The following ZNF43 variants were observed in gnomAD, a reference collection of about 807,000 sequenced individuals.
ZNF43 encodes zinc finger protein 39-like 1 (KOX 27).
A neutral mutation model predicts 68.4 loss-of-function variants in ZNF43; 44 were observed. The ratio of observed to expected loss-of-function variants is 0.64; its 90% CI spans 0.51 to 0.83. The LOEUF is 0.83. Ranked by LOEUF, ZNF43 falls within the 40% of genes least tolerant of loss-of-function variation. ZNF43 has a pLI of 0.00. For missense variants in ZNF43, 896 were observed against 933.2 expected, an observed-to-expected ratio of 0.96 and a Z score of 0.52; for synonymous variants, 308 against 307.8, an observed-to-expected ratio of 1.00 and a Z score of -0.01.
At chr19:21,831,022 T>C (rs964910755) in intron 1 of ZNF43, among the ~76,000 whole-genome samples, 2 of 152,192 alleles carry the variant, frequency 1.3e-5, no homozygotes, top group Non-Finnish European at 2.9e-5. Flanking sequence ...TCTCAATAGA[T>C]GCAGAAAAAT....
At chr19:21,818,084 A>C in intron 2 of ZNF43, 98 bp from the exon 3 acceptor site, 1 of 1,272,572 alleles carries the variant, frequency 7.9e-7, no homozygotes, top group Non-Finnish European at 1.1e-6. Context: ...AGAATATCCT[A>C]ATCATTAATC....
Position 21,818,112 on chromosome 19 carries a change from T to C in ZNF43, c.131-126A>G. 7 of 1,077,180 alleles carry C rather than the reference T, an allele frequency of 6.5e-6. No individual in the cohort carries two copies. In the South Asian group the frequency reaches 1.2e-4, roughly 18 times the overall value. 66.7% of individuals were successfully genotyped at this position (1,077,180 alleles called of 1,614,324 possible). A position where few individuals can be genotyped will look rare whatever the true frequency, so the allele number is the denominator to read the frequency against. On this transcript the variant is annotated intron_variant, in intron 2 of 3. Transcript: ENST00000354959. Reference sequence around the variant, plus strand: ...CATTAATCCCAAAATACTAATTTTTTTTTTTTTGGAGATGGAGTCTCAATC... The same window carrying C: ...CATTAATCCCAAAATACTAATTTTTCTTTTTTTGGAGATGGAGTCTCAATC...
chr19:21,812,836 G>A (rs1568352382), intron 3 of ZNF43, among the ~76,000 whole-genome samples: 1 of 151,766 alleles, frequency 6.6e-6, no homozygotes, highest in Non-Finnish European at 1.5e-5. Context: ...CTGTAATCTC[G>A]GCTACCCTGA....
chr19:21,812,244 G>A lies in ZNF43; in HGVS notation c.230-2437C>T, dbSNP rs567539028. On this transcript the variant is annotated intron_variant, in intron 3 of 3. Coordinates refer to ENST00000354959, the MANE Select transcript of ZNF43 (RefSeq NM_003423.4). ...CGGGTTCACACCATTCTCCTGTCTC[G>A]GCCTCCCGAGTAGCTGGGATTACAG... Among the ~76,000 whole-genome samples the A allele has an allele frequency of 2.6e-5, 4 of 151,742 alleles. No homozygotes were observed. In the South Asian group the frequency reaches 6.3e-4, roughly 24 times the overall value.
At chr19:21,831,401 AC>A (rs1257861770) in intron 1 of ZNF43, among the ~76,000 whole-genome samples, 5 of 151,808 alleles carry the variant, frequency 3.3e-5, no homozygotes, top group Non-Finnish European at 7.4e-5. Flanking sequence ...TTGCTCTGTC[AC>A]CCAAGCTGGA....
chr19:21,817,972 T>G lies in ZNF43; in HGVS notation c.145A>C (p.Lys49Gln). 6.2e-7 allele frequency: 1 copy of G among 1,613,060 alleles called. No individual in the cohort carries two copies. The highest frequency in any genetic ancestry group is 8.5e-7 in the Non-Finnish European group (1 of 1,179,426). The stretch of plus-strand genomic sequence containing the variant: ...TCCAGACAGGTGATCAGGTCTGGCT[T>G]AGAGACAGCAATACCTGTTTCAATA... ...NLVFLGIAVS[K>Q]PDLITCLEQE... Residue 49 changes from lysine to glutamine, a missense_variant, in exon 3 of 4, where the codon AAG becomes CAG. By Grantham distance (53) the Lys-to-Gln change is moderately conservative (BLOSUM62 1). Coordinates refer to ENST00000354959, the MANE Select transcript of ZNF43 (RefSeq NM_003423.4).
At chr19:21,815,024 C>T (rs909059889) in intron 3 of ZNF43, among the ~76,000 whole-genome samples, 5 of 151,660 alleles carry the variant, frequency 3.3e-5, no homozygotes, top group Admixed American at 6.6e-5. Context: ...CCTGTCTCTA[C>T]TAAAAATACA....
chr19:21,820,753 T>C (rs1274550917), intron 1 of ZNF43, among the ~76,000 whole-genome samples: 1 of 151,830 alleles, frequency 6.6e-6, no homozygotes, highest in African/African-American at 2.4e-5. Context: ...AAAAAGTAAA[T>C]TATAATCTAA....
intron 1 of ZNF43, among the ~76,000 whole-genome samples, chr19:21,820,051 T>C (rs1479025655): frequency 1.3e-5 from 2 of 150,990 alleles, no homozygotes; most frequent in Non-Finnish European, 2.9e-5. Context: ...ATACAAAAAT[T>C]AGCCAAGCGT....
At chr19:21,824,118 G>A (rs911810486) in intron 1 of ZNF43, among the ~76,000 whole-genome samples, 4 of 152,096 alleles carry the variant, frequency 2.6e-5, no homozygotes, top group African/African-American at 9.7e-5. Context: ...CCCGGGAGGC[G>A]GAGCTTGCAG....
At chr19:21,811,107 C>T (rs950850863) in intron 3 of ZNF43, among the ~76,000 whole-genome samples, 7 of 152,048 alleles carry the variant, frequency 4.6e-5, no homozygotes, top group South Asian at 2.1e-4. Flanking sequence ...GCTCAAGGAC[C>T]GAAGAATTTA....
intron 3 of ZNF43, among the ~76,000 whole-genome samples, chr19:21,811,066 C>T (rs2037248630): frequency 6.6e-6 from 1 of 152,110 alleles, no homozygotes; most frequent in Non-Finnish European, 1.5e-5. Context: ...AAAAATATAT[C>T]AAAATAAAAC....
rs150700173 is a variant in ZNF43, at chr19:21,807,649, T to C, written c.2388A>G (p.Thr796=). ...AAGTTTGAGGTGTTGTCAAAATCACTGTCACATCTTCAGGTTTGTAGAGTT... is the reference window on the plus strand; with the variant it reads ...AAGTTTGAGGTGTTGTCAAAATCACCGTCACATCTTCAGGTTTGTAGAGTT... ...GEKLYKPEDV[T]VILTTPQTFS... The change falls in exon 4 of 4, where the codon ACA becomes ACG. Residue 796 remains threonine, a synonymous_variant. Coordinates refer to ENST00000354959, the MANE Select transcript of ZNF43 (RefSeq NM_003423.4). 3.8e-6 allele frequency: 6 copies of C among 1,569,146 alleles called. No homozygotes were observed. The highest frequency in any genetic ancestry group is 5.2e-6 in the Non-Finnish European group (6 of 1,160,834).
At chr19:21,828,640 C>A (rs1420612347) in intron 1 of ZNF43, among the ~76,000 whole-genome samples, 2 of 151,982 alleles carry the variant, frequency 1.3e-5, no homozygotes, top group African/African-American at 4.8e-5. Context: ...TCACTTGAAC[C>A]CAGTAGGCGG....
chr19:21,836,116 G>A lies in ZNF43; in HGVS notation c.-78C>T. The A allele has an allele frequency of 6.2e-7, 1 of 1,609,472 alleles. No homozygotes were observed. The highest frequency in any genetic ancestry group is 8.5e-7 in the Non-Finnish European group (1 of 1,177,212). Reference sequence around the variant, plus strand: ...GCAGGTCACAGAGCCACAGAGGCTGGACCTCTAGCAGCAGAGGACACAGAA... The same window carrying A: ...GCAGGTCACAGAGCCACAGAGGCTGAACCTCTAGCAGCAGAGGACACAGAA... On this transcript the variant is annotated 5_prime_UTR_variant, in exon 1 of 4. Transcript: ENST00000354959.
intron 2 of ZNF43, 140 bp downstream of exon 2, chr19:21,818,955 C>A (rs1219850241): frequency 4.4e-5 from 54 of 1,230,558 alleles, no homozygotes; most frequent in Non-Finnish European, 2.2e-6. Context: ...CTTTAGTGCG[C>A]CAACAAATCC....
At position 21,805,470 on chromosome 19, in the gene ZNF43, A is replaced by C. The variant is rs2036895337; in HGVS notation, c.*2137T>G. ...CAGAGCGAGACTCCATCTCCAAAAA[A>C]AAACCCAAACAAGTAGTGGGCGCCT... is the stretch of plus-strand genomic sequence containing the variant. On this transcript the variant is annotated 3_prime_UTR_variant, in exon 4 of 4. Transcript: ENST00000354959. The C allele has an allele frequency of 6.6e-6, 1 of 151,712 alleles. No homozygotes were observed. Among genetic ancestry groups the C allele is most frequent in the African/African-American group, 2.4e-5 (1 of 41,214 alleles). 9.4% of individuals were successfully genotyped at this position (151,712 alleles called of 1,614,324 possible).
chr19:21,829,032 CAAAAAAAAAAA>C (rs551226809), intron 1 of ZNF43, among the ~76,000 whole-genome samples: 14 of 38,810 alleles, frequency 3.6e-4, no homozygotes, highest in East Asian at 1.0e-3. Context: ...GACTCTGTCT[CAAAAAAAAAAA>C]AAAAAAAAAA....
rs144333440 is a variant in ZNF43, at chr19:21,809,759, T to G, written c.278A>C (p.Lys93Thr). Reference protein sequence around the residue: ...TQDFWPEQHIKDPFQKATLRR... With the variant: ...TQDFWPEQHITDPFQKATLRR... Reference sequence around the variant, plus strand: ...CAGTGTCGCTTTTTGGAAAGGATCTTTTATATGCTGCTCTGGCCAAAAGTC... The same window carrying G: ...CAGTGTCGCTTTTTGGAAAGGATCTGTTATATGCTGCTCTGGCCAAAAGTC... Residue 93 changes from lysine to threonine, a missense_variant, in exon 4 of 4, where the codon AAA becomes ACA. Coordinates refer to ENST00000354959, the MANE Select transcript of ZNF43 (RefSeq NM_003423.4). 2 of 1,601,960 alleles carry G rather than the reference T, an allele frequency of 1.2e-6. No individual in the cohort carries two copies. The highest frequency in any genetic ancestry group is 2.7e-5 in the African/African-American group (2 of 73,834).
Sources: gnomAD v4.1 joint callset for allele counts (sites outside exome capture counted in the v4.1 genomes callset) on GRCh38, gnomAD v4.1.1 for gene constraint, MANE v1.5 for transcripts, NCBI Gene and HGNC (gene_info 2026-07-23, HGNC 2026-07-21) for gene names.